The following PCM1 variants were observed in gnomAD, a reference collection of about 807,000 sequenced individuals.
The protein encoded by PCM1 is pericentriolar material 1 protein.
A neutral mutation model predicts 241.9 loss-of-function variants in PCM1; 157 were observed. That is an observed-to-expected ratio of 0.65 (90% confidence interval 0.57 to 0.74). The LOEUF (loss-of-function observed/expected upper bound fraction) is 0.74, where lower values mean the gene tolerates loss of function less well. PCM1 is among the 30% of genes least tolerant of loss of function. The probability of loss-of-function intolerance (pLI) is 0.00; values close to 1 mark genes in which losing one functional copy is unlikely to be tolerated. For synonymous variants in PCM1, 1,085 were observed against 784.9 expected (o/e 1.38, Z -6.39); for missense variants, 3,478 against 2,360.1 (o/e 1.47, Z -9.81).
chr8:17,974,180 T>C (rs2077839165), intron 23 of PCM1, among the ~76,000 whole-genome samples: 1 of 152,224 alleles, frequency 6.6e-6, no homozygotes, highest in South Asian at 2.1e-4. Flanking sequence ...AGTAAATTAA[T>C]TGGTAATCTG....
chr8:17,973,381 G>A (rs2077489865), intron 23 of PCM1, among the ~76,000 whole-genome samples: 1 of 152,082 alleles, frequency 6.6e-6, no homozygotes, highest in African/African-American at 2.4e-5. Context: ...TGCAAAGGAT[G>A]GGCTATGGCC....
At chr8:17,980,382 G>A (rs987302925) in intron 23 of PCM1, 1 of 401,490 alleles carries the variant, frequency 2.5e-6, no homozygotes, top group Non-Finnish European at 4.4e-6. Flanking sequence ...AAAGAACAGT[G>A]AAGGTTAGAT....
At chr8:17,963,631 C>T (rs1212142935) in intron 17 of PCM1, among the ~76,000 whole-genome samples, 1 of 152,070 alleles carries the variant, frequency 6.6e-6, no homozygotes, top group Non-Finnish European at 1.5e-5. Context: ...GAAATAGGCC[C>T]TTTTTTGCTT....
chr8:18,012,660 T>C (rs1305255582), intron 34 of PCM1, among the ~76,000 whole-genome samples: 1 of 152,174 alleles, frequency 6.6e-6, no homozygotes, highest in Non-Finnish European at 1.5e-5. Flanking sequence ...GGATACTCAG[T>C]GATTGTTTTC....
rs1219492674 is a variant in PCM1, at chr8:17,938,892, G to A, written c.495G>A (p.Thr165=). The A allele has an allele frequency of 2.5e-6, 4 of 1,613,618 alleles. No homozygotes were observed. Among genetic ancestry groups the A allele is most frequent in the Non-Finnish European group, 3.4e-6 (4 of 1,179,682 alleles). The change falls in exon 5 of 39, where the codon ACG becomes ACA. Residue 165 remains threonine, a synonymous_variant. Transcript: ENST00000325083. ...CTACAAACCCCCCAAACAGAGAAAC[G>A]ATTGGATCAGCACAGTGTAAAGAGT... ...DASTNPPNRE[T]IGSAQCKELF...
chr8:18,025,498 C>T lies in PCM1; in HGVS notation c.5934+45C>T, dbSNP rs1342919711. The T allele has an allele frequency of 2.6e-6, 4 of 1,513,408 alleles. No homozygotes were observed. In the South Asian group the frequency reaches 3.5e-5, roughly 13 times the overall value. 93.7% of individuals were successfully genotyped at this position (1,513,408 alleles called of 1,614,324 possible). On this transcript the variant is annotated intron_variant, in intron 37 of 38. Transcript: ENST00000325083. ...TAAACTTGTCTTTACATAACAAATACTGTTAAAATGAAAAATGATTTGTAT... is the reference window on the plus strand; with the variant it reads ...TAAACTTGTCTTTACATAACAAATATTGTTAAAATGAAAAATGATTTGTAT...
At chr8:18,009,772 G>T (rs773675548) in intron 31 of PCM1, 28 bp downstream of exon 31, 5 of 1,278,782 alleles carry the variant, frequency 3.9e-6, no homozygotes, top group Middle Eastern at 2.1e-4. Flanking sequence ...TGATTTTTAG[G>T]ATAATTGACA....
chr8:17,928,548 C>T (rs970332010), intron 2 of PCM1, among the ~76,000 whole-genome samples: 17 of 151,590 alleles, frequency 1.1e-4, no homozygotes, highest in African/African-American at 4.1e-4. Context: ...CCCAATGGCC[C>T]CCGCTTTCTC....
rs2069247127 is a variant in PCM1 at position 17,957,706 on chromosome 8, G to A, written c.1971G>A (p.Gln657=). The part of the protein sequence containing the change: ...DEHPEDAEFE[Q]KINRLMAAKQ... ...ATCCAGAAGATGCTGAATTTGAACA[G>A]AAGATCAACCGACTTATGGCTGCAA... Residue 657 remains glutamine, a synonymous_variant, in exon 13 of 39, where the codon CAG becomes CAA. Coordinates refer to ENST00000325083, the MANE Select transcript of PCM1 (RefSeq NM_006197.4). 1 of 1,613,350 alleles carries A rather than the reference G, an allele frequency of 6.2e-7. No homozygotes were observed. Among genetic ancestry groups the A allele is most frequent in the Non-Finnish European group, 8.5e-7 (1 of 1,179,616 alleles).
At chr8:18,007,706 A>C (rs1406166646) in intron 30 of PCM1, among the ~76,000 whole-genome samples, 1 of 152,168 alleles carries the variant, frequency 6.6e-6, no homozygotes, top group East Asian at 1.9e-4. Flanking sequence ...AGTATTGAAA[A>C]ATTTTTATGA....
chr8:17,939,507 T>C (rs2061416518), intron 5 of PCM1, among the ~76,000 whole-genome samples, 184 bp from the exon 6 acceptor site: 2 of 152,208 alleles, frequency 1.3e-5, no homozygotes, highest in Admixed American at 6.5e-5. Flanking sequence ...TTACCAATTA[T>C]GTCTTGATTA....
rs1381076757 is a variant in PCM1 at position 18,010,518 on chromosome 8, TCC to T, written c.5161-89_5161-88del. On this transcript the variant is annotated intron_variant, in intron 31 of 38. Coordinates refer to ENST00000325083, the MANE Select transcript of PCM1 (RefSeq NM_006197.4). ...ATACAGGCCAGGCTTAGGTCTATAA[TCC>T]CAGTACTTTGGGAGGCTGAGACATG... is the stretch of plus-strand genomic sequence containing the variant. 4.5e-6 allele frequency: 4 copies of T among 882,132 alleles called. No homozygotes were observed. In the African/African-American group the frequency reaches 5.3e-5, roughly 12 times the overall value. 54.6% of individuals were successfully genotyped at this position (882,132 alleles called of 1,614,324 possible).
chr8:18,018,477 T>C (rs1423850435), intron 36 of PCM1, among the ~76,000 whole-genome samples: 5 of 152,186 alleles, frequency 3.3e-5, no homozygotes, highest in Admixed American at 2.6e-4. Flanking sequence ...TACCCAGTTA[T>C]AGAGGATTTA....
At chr8:18,000,539 G>A (rs1007063829) in intron 29 of PCM1, among the ~76,000 whole-genome samples, 3 of 151,770 alleles carry the variant, frequency 2.0e-5, no homozygotes, top group African/African-American at 7.3e-5. Flanking sequence ...TCGAGAGAGA[G>A]AGAAAACTGG....
At position 18,010,482 on chromosome 8, in the gene PCM1, AT is replaced by A; in HGVS notation, c.5161-125del. 13 of 631,028 alleles carry A rather than the reference AT, an allele frequency of 2.1e-5. No individual in the cohort carries two copies. In the South Asian group the frequency reaches 2.7e-4, roughly 13 times the overall value. The allele number at this position is 631,028 out of a possible 1,614,324, so 39.1% of individuals were successfully genotyped here. Reference sequence around the variant, plus strand: ...AAACAGCATGATACTATAATAAATGATTAGAAAGTAATACAGGCCAGGCTTA... The same window carrying A: ...AAACAGCATGATACTATAATAAATGATAGAAAGTAATACAGGCCAGGCTTA... On this transcript the variant is annotated intron_variant, in intron 31 of 38. Coordinates refer to ENST00000325083, the MANE Select transcript of PCM1 (RefSeq NM_006197.4).
At chr8:17,944,870 A>G (rs986361241) in intron 6 of PCM1, among the ~76,000 whole-genome samples, 3 of 152,174 alleles carry the variant, frequency 2.0e-5, no homozygotes, top group Non-Finnish European at 4.4e-5. Flanking sequence ...TTAGTGAGAA[A>G]TCTGAAGATA....
intron 7 of PCM1, among the ~76,000 whole-genome samples, chr8:17,950,342 TATTA>T (rs2065562641): frequency 6.6e-6 from 1 of 152,192 alleles, no homozygotes; most frequent in Admixed American, 6.5e-5. Context: ...GAGTCACTAC[TATTA>T]ATTGGAATGT....
In PCM1 at chr8:18,027,781, A is replaced by T. The variant is rs1280981964; in HGVS notation, c.*119A>T. The stretch of plus-strand genomic sequence containing the variant: ...AAATTAGTTTGACACTGCTTTTTTG[A>T]TAGGTGTGGTCATTTCTCCCCATGG... On this transcript the variant is annotated 3_prime_UTR_variant, in exon 39 of 39. Transcript: ENST00000325083. 3.2e-6 allele frequency: 2 copies of T among 619,846 alleles called. No individual in the cohort carries two copies. The highest frequency in any genetic ancestry group is 3.7e-5 in the African/African-American group (2 of 53,898). 38.4% of individuals were successfully genotyped at this position (619,846 alleles called of 1,614,324 possible). A position where few individuals can be genotyped will look rare whatever the true frequency, so the allele number is the denominator to read the frequency against.
Position 17,969,728 on chromosome 8 carries a change from T to C in PCM1, c.3564T>C (p.Ser1188=), listed in dbSNP as rs1397104424. 1.3e-6 allele frequency: 2 copies of C among 1,585,720 alleles called. No homozygotes were observed. The highest frequency in any genetic ancestry group is 2.2e-5 in the South Asian group (2 of 89,940). ...AFPKPFESSS[S]IGAEKPRNKK... is the part of the protein sequence containing the mutation. ...CAAAACCTTTTGAAAGCAGTTCCTC[T>C]ATTGGAGCAGAGAAACCAAGGTACT... Residue 1188 remains serine (S), a synonymous_variant, in exon 22 of 39, where the codon TCT becomes TCC. Coordinates refer to ENST00000325083, the MANE Select transcript of PCM1 (RefSeq NM_006197.4).
Sources: gnomAD v4.1 joint callset for allele counts (sites outside exome capture counted in the v4.1 genomes callset) on GRCh38, gnomAD v4.1.1 for gene constraint, MANE v1.5 for transcripts, NCBI Gene and HGNC (gene_info 2026-07-23, HGNC 2026-07-21) for gene names.